AKAP19: variants seen among roughly 807,000 people sequenced by gnomAD.
AKAP19 encodes A-kinase anchoring protein 19.
the AKAP19 span, among the ~76,000 whole-genome samples, chr2:190,034,950 CA>C: frequency 6.6e-6 from 1 of 151,450 alleles, no homozygotes; most frequent in African/African-American, 2.4e-5. Flanking sequence ...AGTGAATACC[CA>C]TTGACCTATT....
At chr2:189,892,928 T>C in the AKAP19 span, among the ~76,000 whole-genome samples, 2 of 152,188 alleles carry the variant, frequency 1.3e-5, no homozygotes, top group Non-Finnish European at 2.9e-5. Context: ...AGAGATGCCC[T>C]GCCCAGAGAG....
At chr2:190,034,534 CAAAA>C in the AKAP19 span, among the ~76,000 whole-genome samples, 1 of 68,268 alleles carries the variant, frequency 1.5e-5, no homozygotes, top group Non-Finnish European at 2.4e-5. Flanking sequence ...GGCTACAGTG[CAAAA>C]AAAAAAAAAA....
the AKAP19 span, among the ~76,000 whole-genome samples, chr2:189,907,735 T>C: frequency 6.6e-6 from 1 of 152,168 alleles, no homozygotes; most frequent in South Asian, 2.1e-4. Flanking sequence ...AATTTAAAAT[T>C]TTCATTATAT....
the AKAP19 span, chr2:190,202,383 AGCT>A: frequency 1.2e-5 from 2 of 167,048 alleles, no homozygotes; most frequent in Non-Finnish European, 2.9e-5. Context: ...ATAATCAGTG[AGCT>A]AGTGGATAAA....
At chr2:189,979,991 G>C in the AKAP19 span, among the ~76,000 whole-genome samples, 3 of 152,186 alleles carry the variant, frequency 2.0e-5, no homozygotes, top group Non-Finnish European at 4.4e-5. Flanking sequence ...TAGTTCAACT[G>C]TATGGCAAAT....
At chr2:190,163,460 A>AC in the AKAP19 span, among the ~76,000 whole-genome samples, 11 of 149,880 alleles carry the variant, frequency 7.3e-5, no homozygotes, top group African/African-American at 1.7e-4. Context: ...AAAAACAAAA[A>AC]AAAAAAAAAC....
At chr2:189,923,222 C>G in the AKAP19 span, 2 of 1,062,192 alleles carry the variant, frequency 1.9e-6, no homozygotes, top group Non-Finnish European at 2.8e-6. Context: ...TTGCCGACCT[C>G]CAGCAGCAGT....
chr2:190,154,682 T>A, the AKAP19 span, among the ~76,000 whole-genome samples: 9 of 152,212 alleles, frequency 5.9e-5, no homozygotes, highest in Admixed American at 1.3e-4. Flanking sequence ...ATGATAGAAG[T>A]ATATGACTTA....
the AKAP19 span, among the ~76,000 whole-genome samples, chr2:189,912,257 A>G: frequency 6.6e-6 from 1 of 152,094 alleles, no homozygotes; most frequent in African/African-American, 2.4e-5. Context: ...TAGCCTGGAT[A>G]TGGCTGGGTG....
At chr2:190,004,655 T>C in the AKAP19 span, among the ~76,000 whole-genome samples, 3 of 152,060 alleles carry the variant, frequency 2.0e-5, no homozygotes, top group African/African-American at 7.2e-5. Flanking sequence ...TGTTCTCATC[T>C]ATCATTATAA....
chr2:189,934,829 G>C, the AKAP19 span, among the ~76,000 whole-genome samples: 1 of 151,490 alleles, frequency 6.6e-6, no homozygotes, highest in African/African-American at 2.4e-5. Flanking sequence ...AATATTAGTA[G>C]AGCCTCAAAC....
the AKAP19 span, among the ~76,000 whole-genome samples, chr2:189,970,587 T>A: frequency 6.6e-6 from 1 of 152,196 alleles, no homozygotes; most frequent in Non-Finnish European, 1.5e-5. Flanking sequence ...TACTACTGAG[T>A]AATAGTCCAT....
At chr2:190,062,136 TA>T in the AKAP19 span, 1 of 1,428,210 alleles carries the variant, frequency 7.0e-7, no homozygotes. Context: ...ACAGCTTGTT[TA>T]AAAGAGCCTG....
At chr2:190,169,624 A>G in the AKAP19 span, among the ~76,000 whole-genome samples, 1 of 152,376 alleles carries the variant, frequency 6.6e-6, no homozygotes, top group Non-Finnish European at 1.5e-5. Context: ...TGCATTTCCT[A>G]TTCCACCACA....
the AKAP19 span, among the ~76,000 whole-genome samples, chr2:190,109,280 C>T: frequency 1.3e-5 from 2 of 152,024 alleles, no homozygotes; most frequent in African/African-American, 4.8e-5. Flanking sequence ...TCTGTGGGTC[C>T]AACATTTATT....
chr2:189,983,794 C>T, the AKAP19 span, among the ~76,000 whole-genome samples: 1 of 152,148 alleles, frequency 6.6e-6, no homozygotes, highest in Non-Finnish European at 1.5e-5. Flanking sequence ...CCCCGAAAAT[C>T]ATGTAGGTTC....
At chr2:189,926,797 A>G in the AKAP19 span, among the ~76,000 whole-genome samples, 4 of 149,072 alleles carry the variant, frequency 2.7e-5, no homozygotes, top group East Asian at 2.0e-4. Flanking sequence ...GTTAGCCAGG[A>G]TGGTCTCGAT....
chr2:190,154,153 C>A, the AKAP19 span, among the ~76,000 whole-genome samples: 1 of 152,126 alleles, frequency 6.6e-6, no homozygotes, highest in Non-Finnish European at 1.5e-5. Flanking sequence ...CTACTAATTT[C>A]TATGGTAATT....
chr2:190,050,049 C>T, the AKAP19 span, among the ~76,000 whole-genome samples: 24 of 152,278 alleles, frequency 1.6e-4, no homozygotes, highest in South Asian at 2.1e-4. Flanking sequence ...AAAAGAACAA[C>T]TTTTGAAAAA....
Sources: allele counts gnomAD v4.1 joint callset (sites outside exome capture counted in the v4.1 genomes callset), GRCh38; gene constraint gnomAD v4.1.1; transcripts MANE v1.5; gene names NCBI Gene and HGNC (gene_info 2026-07-23, HGNC 2026-07-21).